Variants in RHBDL2 observed in about 807,000 individuals in gnomAD.
RHBDL2 encodes rhomboid like 2.
RHBDL2 carries 26 observed loss-of-function variants against 31.7 expected under a neutral mutation model. The ratio of observed to expected loss-of-function variants is 0.82; its 90% CI spans 0.60 to 1.14. RHBDL2 has a LOEUF of 1.14. RHBDL2 is among the 50% of genes most tolerant of loss of function. The pLI, the probability that RHBDL2 is intolerant of heterozygous loss-of-function variation, is 0.00. For missense variants in RHBDL2, 336 were observed against 364.4 expected, an observed-to-expected ratio of 0.92 and a Z score of 0.63; for synonymous variants, 123 against 127.2, an observed-to-expected ratio of 0.97 and a Z score of 0.22.
chr1:38,897,797 G>C (rs1030698233), intron 4 of RHBDL2, among the ~76,000 whole-genome samples: 1 of 152,156 alleles, frequency 6.6e-6, no homozygotes. Context: ...AAAAGCAATG[G>C]CATACAAACA....
intron 1 of RHBDL2, among the ~76,000 whole-genome samples, chr1:38,920,166 C>CTTTTTTT (rs71057165): frequency 9.0e-5 from 10 of 111,394 alleles, no homozygotes; most frequent in Non-Finnish European, 1.5e-4. Context: ...CACATGTTTT[C>CTTTTTTT]TTTTTTTTTT....
At chr1:38,936,106 T>C (rs1643505828) in intron 1 of RHBDL2, among the ~76,000 whole-genome samples, 1 of 152,096 alleles carries the variant, frequency 6.6e-6, no homozygotes, top group South Asian at 2.1e-4. Context: ...TCTTGTCACA[T>C]TACCCAGGCT....
chr1:38,929,423 C>T, intron 1 of RHBDL2: 1 of 1,289,460 alleles, frequency 7.8e-7, no homozygotes, highest in South Asian at 1.2e-5. Flanking sequence ...CCCAGGAAGG[C>T]CCTGGCAAGG....
chr1:38,886,700 G>A lies in RHBDL2; in HGVS notation c.733-17C>T, dbSNP rs1642789735. ...AAAAGACACCTTGGGAGAAAAGGAG[G>A]GAAAATGGAAATAAGTGAAGACAAT... On this transcript the variant is annotated splice_polypyrimidine_tract_variant and intron_variant, in intron 7 of 7. Coordinates refer to ENST00000372990, the MANE Select transcript of RHBDL2 (RefSeq NM_017821.5). The A allele has an allele frequency of 2.0e-6, 3 of 1,517,342 alleles. No individual in the cohort carries two copies. Among genetic ancestry groups the A allele is most frequent in the African/African-American group, 1.4e-5 (1 of 72,066 alleles). The allele number at this position is 1,517,342 out of a possible 1,614,324, so 94.0% of individuals were successfully genotyped here.
intron 1 of RHBDL2, among the ~76,000 whole-genome samples, chr1:38,939,463 A>C (rs561560617): frequency 3.3e-5 from 5 of 152,220 alleles, no homozygotes; most frequent in Admixed American, 2.6e-4. Flanking sequence ...GGAGTTCAAG[A>C]CCATCCTGGG....
intron 1 of RHBDL2, among the ~76,000 whole-genome samples, chr1:38,934,970 AAT>A (rs1491391822): frequency 3.4e-5 from 5 of 148,400 alleles, no homozygotes; most frequent in African/African-American, 7.7e-5. Flanking sequence ...AAAAAAAAAA[AAT>A]TTTTTTAAAG....
intron 1 of RHBDL2, among the ~76,000 whole-genome samples, chr1:38,936,132 G>A (rs1557625441): frequency 6.6e-6 from 1 of 152,112 alleles, no homozygotes; most frequent in Non-Finnish European, 1.5e-5. Context: ...CAAACTCCTG[G>A]GCTCAAGTGA....
chr1:38,926,139 T>A (rs565034411), intron 1 of RHBDL2: 13 of 1,102,748 alleles, frequency 1.2e-5, no homozygotes, highest in South Asian at 8.8e-5. Context: ...CCTAGGCAGC[T>A]AGGGCAGCTT....
chr1:38,904,421 G>A (rs938795633), intron 4 of RHBDL2, among the ~76,000 whole-genome samples: 1 of 151,760 alleles, frequency 6.6e-6, no homozygotes, highest in African/African-American at 2.4e-5. Context: ...GCAGTGAGCC[G>A]AGATTGCGCC....
At position 38,896,299 on chromosome 1, in the gene RHBDL2, CA is replaced by C. The variant is rs564727658; in HGVS notation, c.509-231del. 2.7e-3 allele frequency among the ~76,000 whole-genome samples: 416 copies of C among 152,282 alleles called. 2 individuals carry two copies. Among genetic ancestry groups the C allele is most frequent in the African/African-American group, 9.2e-3 (384 of 41,566 alleles). Reference sequence around the variant, plus strand: ...AACAGCAACATAGCAGTGACAATGGCAGAATCGTCTGGAGCCAGAATTACCA... The same window carrying C: ...AACAGCAACATAGCAGTGACAATGGCGAATCGTCTGGAGCCAGAATTACCA... On this transcript the variant is annotated intron_variant, in intron 4 of 7. Transcript: ENST00000372990.
chr1:38,887,672 C>G (rs1305738088), intron 7 of RHBDL2, among the ~76,000 whole-genome samples: 1 of 152,144 alleles, frequency 6.6e-6, no homozygotes. Flanking sequence ...ATCCGCCGAT[C>G]TTGGCTTCCC....
intron 1 of RHBDL2, among the ~76,000 whole-genome samples, chr1:38,936,633 G>A (rs1296710509): frequency 2.6e-5 from 4 of 151,766 alleles, no homozygotes; most frequent in East Asian, 1.9e-4. Flanking sequence ...CCGAATAGCC[G>A]GGATTACAGA....
At position 38,919,054 on chromosome 1, in the gene RHBDL2, C is replaced by T. The variant is rs141835559; in HGVS notation, c.159G>A (p.Met53Ile). The T allele has an allele frequency of 1.2e-6, 2 of 1,614,190 alleles. No individual in the cohort carries two copies. Among genetic ancestry groups the T allele is most frequent in the African/African-American group, 1.3e-5 (1 of 75,038 alleles). ...KKVHRIVSKW[M>I]LPEKSRGTYL... ...ATGTTCCTCGGGACTTTTCGGGCAG[C>T]ATCCATTTTGAGACAATCCTGTGGA... Residue 53 changes from methionine to isoleucine, a missense_variant, in exon 2 of 8, where the codon ATG becomes ATA. Coordinates refer to ENST00000372990, the MANE Select transcript of RHBDL2 (RefSeq NM_017821.5).
intron 1 of RHBDL2, among the ~76,000 whole-genome samples, chr1:38,934,457 C>G (rs964216828): frequency 2.6e-5 from 4 of 151,482 alleles, no homozygotes; most frequent in Admixed American, 2.0e-4. Flanking sequence ...GAGTTCGAGA[C>G]CAGCCTGGCC....
intron 7 of RHBDL2, among the ~76,000 whole-genome samples, chr1:38,887,132 C>A (rs1479099296): frequency 2.0e-5 from 3 of 151,652 alleles, no homozygotes; most frequent in Non-Finnish European, 2.9e-5. Flanking sequence ...CAAATCACAG[C>A]AAAACTGGAA....
chr1:38,897,736 T>C (rs1370273200), intron 4 of RHBDL2, among the ~76,000 whole-genome samples: 2 of 151,412 alleles, frequency 1.3e-5, no homozygotes, highest in Admixed American at 6.6e-5. Flanking sequence ...CACAAAAGGA[T>C]TGGATAAGAA....
chr1:38,886,658 C>T lies in RHBDL2; in HGVS notation c.758G>A (p.Gly253Asp). The T allele has an allele frequency of 6.4e-7, 1 of 1,562,818 alleles. No homozygotes were observed. The highest frequency in any genetic ancestry group is 8.7e-7 in the Non-Finnish European group (1 of 1,149,308). ...SPVSFAAHIA[G>D]GFAGMSIGYT... The stretch of plus-strand genomic sequence containing the variant: ...GCCAATGGACATTCCAGCAAATCCA[C>T]CTGCAATGTGAGCTGCAAAAGACAC... Residue 253 changes from glycine to aspartate, a missense_variant, in exon 8 of 8, where the codon GGT becomes GAT. Gly to Asp is a moderately conservative substitution (Grantham distance 94). Transcript: ENST00000372990.
At chr1:38,911,214 A>G in intron 4 of RHBDL2, 108 bp downstream of exon 4, 1 of 673,702 alleles carries the variant, frequency 1.5e-6, no homozygotes, top group Admixed American at 2.6e-5. Context: ...ACATATTAGG[A>G]GTGCAGTAAA....
In RHBDL2 at chr1:38,886,489, T is replaced by C. The variant is rs767836004; in HGVS notation, c.*15A>G. On this transcript the variant is annotated 3_prime_UTR_variant, in exon 8 of 8. Transcript: ENST00000372990. ...AGATGGCTCTTTTTATTAATTGACT[T>C]ACAATAGGGGCAGGTCAGTTTGCTG... The C allele has an allele frequency of 2.7e-6, 4 of 1,501,678 alleles. No individual in the cohort carries two copies. The highest frequency in any genetic ancestry group is 2.7e-6 in the Non-Finnish European group (3 of 1,117,834). The allele number at this position is 1,501,678 out of a possible 1,614,324, so 93.0% of individuals were successfully genotyped here. A position where few individuals can be genotyped will look rare whatever the true frequency, so the allele number is the denominator to read the frequency against.
Sources: gnomAD v4.1 joint callset for allele counts (sites outside exome capture counted in the v4.1 genomes callset) on GRCh38, gnomAD v4.1.1 for gene constraint, MANE v1.5 for transcripts, NCBI Gene and HGNC (gene_info 2026-07-23, HGNC 2026-07-21) for gene names.